MARK2: variants seen among roughly 807,000 people sequenced by gnomAD.
MARK2 encodes microtubule affinity regulating kinase 2.
Under a neutral mutation model 89.8 loss-of-function variants are expected in MARK2, and 16 were observed. That is an observed-to-expected ratio of 0.18 (90% CI 0.12 to 0.27). The LOEUF is 0.27. Ranked by LOEUF, MARK2 falls within the 10% of genes least tolerant of loss-of-function variation. MARK2 has a pLI of 1.00. For missense variants in MARK2, 621 were observed against 1,049.9 expected, an observed-to-expected ratio of 0.59 and a Z score of 5.65; for synonymous variants, 382 against 399.5, an observed-to-expected ratio of 0.96 and a Z score of 0.52.
chr11:63,881,468 A>C (rs568203248), intron 1 of MARK2, among the ~76,000 whole-genome samples: 4 of 152,102 alleles, frequency 2.6e-5, no homozygotes, highest in Non-Finnish European at 5.9e-5. Context: ...CTTGGGGTCG[A>C]GAGTGGGGTC....
chr11:63,878,400 T>C (rs1938899920), intron 1 of MARK2, among the ~76,000 whole-genome samples: 1 of 135,272 alleles, frequency 7.4e-6, no homozygotes, highest in African/African-American at 2.8e-5. Flanking sequence ...AGAGTCTCTC[T>C]CGCTCTGTCG....
At chr11:63,898,915 A>G in intron 6 of MARK2, 82 bp downstream of exon 6, 1 of 1,366,234 alleles carries the variant, frequency 7.3e-7, no homozygotes, top group Non-Finnish European at 1.0e-6. Context: ...GCCTGTCTGT[A>G]AGTGGCCCTT....
Position 63,839,387 on chromosome 11 carries a change from G to C in MARK2, c.-120G>C. ...GGCTGCCCGGCCTCCCCGCACCCCC[G>C]GCCGGGGCCCATGCGGCGGGTGCTC... On this transcript the variant is annotated 5_prime_UTR_variant, in exon 1 of 19. Coordinates refer to ENST00000402010, the MANE Select transcript of MARK2 (RefSeq NM_001039469.3). The C allele has an allele frequency of 1.6e-6, 1 of 608,268 alleles. No homozygotes were observed. Among genetic ancestry groups the C allele is most frequent in the Non-Finnish European group, 2.9e-6 (1 of 350,836 alleles). 37.7% of individuals were successfully genotyped at this position (608,268 alleles called of 1,614,324 possible).
At chr11:63,846,015 G>T (rs186607742) in intron 1 of MARK2, among the ~76,000 whole-genome samples, 1 of 151,728 alleles carries the variant, frequency 6.6e-6, no homozygotes, top group African/African-American at 2.4e-5. Context: ...GAGCCACCGC[G>T]CCCGGCATCA....
At chr11:63,868,225 C>A (rs1323960511) in intron 1 of MARK2, among the ~76,000 whole-genome samples, 1 of 151,830 alleles carries the variant, frequency 6.6e-6, no homozygotes, top group African/African-American at 2.4e-5. Context: ...AACCCTGTCT[C>A]TATAAAAAAT....
chr11:63,898,492 T>C, intron 4 of MARK2, 116 bp from the exon 5 acceptor site: 2 of 921,972 alleles, frequency 2.2e-6, no homozygotes, highest in Admixed American at 1.9e-5. Flanking sequence ...TTCTTGGGAG[T>C]GGGGGATCAT....
Position 63,908,957 on chromosome 11 carries a change from C to T in MARK2, c.2087C>T (p.Thr696Met). Reference sequence around the variant, plus strand: ...GCCAAGCCCCGCTCCCTCCGCTTCACGTGGAGTATGAAGACCACGAGCTCC... The same window carrying T: ...GCCAAGCCCCGCTCCCTCCGCTTCATGTGGAGTATGAAGACCACGAGCTCC... ...REAKPRSLRF[T>M]WSMKTTSSME... The change falls in exon 19 of 19, where the codon ACG becomes ATG. Residue 696 changes from threonine (T) to methionine (M), a missense_variant. Thr to Met is a moderately conservative substitution (Grantham distance 81, BLOSUM62 -1). This residue lies in a region of MARK2 where 397 missense variants were observed against 567.8 expected (regional missense o/e 0.70). Transcript: ENST00000402010. 6.5e-7 allele frequency: 1 copy of T among 1,543,262 alleles called. No individual in the cohort carries two copies. The highest frequency in any genetic ancestry group is 8.8e-7 in the Non-Finnish European group (1 of 1,137,136).
intron 1 of MARK2, among the ~76,000 whole-genome samples, chr11:63,867,325 G>A (rs923350809): frequency 6.6e-6 from 1 of 152,218 alleles, no homozygotes; most frequent in Non-Finnish European, 1.5e-5. Flanking sequence ...ACCACAGTTG[G>A]CCAAGGTATA....
At chr11:63,905,093 C>G in intron 16 of MARK2, 50 bp downstream of exon 16, 1 of 494,286 alleles carries the variant, frequency 2.0e-6, no homozygotes, top group Non-Finnish European at 4.0e-6. Flanking sequence ...GGCCTTCCTG[C>G]TTTACTCGGG....
At chr11:63,848,372 A>G (rs943968734) in intron 1 of MARK2, among the ~76,000 whole-genome samples, 1 of 151,316 alleles carries the variant, frequency 6.6e-6, no homozygotes, top group Non-Finnish European at 1.5e-5. Context: ...TTTTTTCTCC[A>G]CCTTCTTTTT....
chr11:63,865,648 C>G (rs1483591309), intron 1 of MARK2, among the ~76,000 whole-genome samples: 1 of 152,178 alleles, frequency 6.6e-6, no homozygotes, highest in Non-Finnish European at 1.5e-5. Flanking sequence ...CCCTTCTGTA[C>G]TTGTATTCCC....
chr11:63,885,565 T>A (rs1939342635), intron 1 of MARK2, among the ~76,000 whole-genome samples: 1 of 150,580 alleles, frequency 6.6e-6, no homozygotes, highest in Non-Finnish European at 1.5e-5. Context: ...CTGGGCGTAG[T>A]GGCCCATGTC....
Position 63,908,889 on chromosome 11 carries a change from G to A in MARK2, c.2019G>A (p.Val673=). ...GCCCTCTCCACAGACCTCACGTGGTGGGCAGTGGCGGCAACGACAAAGAAA... is the reference window on the plus strand; with the variant it reads ...GCCCTCTCCACAGACCTCACGTGGTAGGCAGTGGCGGCAACGACAAAGAAA... ...DRVETLRPHV[V]GSGGNDKEKE... is the part of the protein sequence containing the mutation. The change falls in exon 19 of 19, where the codon GTG becomes GTA. Residue 673 remains valine, a synonymous_variant. Coordinates refer to ENST00000402010, the MANE Select transcript of MARK2 (RefSeq NM_001039469.3). The A allele has an allele frequency of 6.6e-7, 1 of 1,508,162 alleles. No homozygotes were observed. Among genetic ancestry groups the A allele is most frequent in the Non-Finnish European group, 8.9e-7 (1 of 1,122,786 alleles). The allele number at this position is 1,508,162 out of a possible 1,614,324, so 93.4% of individuals were successfully genotyped here. A position where few individuals can be genotyped will look rare whatever the true frequency, so the allele number is the denominator to read the frequency against.
At chr11:63,868,432 A>C (rs1200073428) in intron 1 of MARK2, 1 of 201,838 alleles carries the variant, frequency 5.0e-6, no homozygotes, top group Admixed American at 5.3e-5. Flanking sequence ...ATATCAGTCT[A>C]TCTGATTCTT....
At position 63,892,306 on chromosome 11, in the gene MARK2, C is replaced by G. The variant is rs10897459; in HGVS notation, c.55-2853C>G. ...TCACCAAAAGACAGCCTGCAGCTAC[C>G]ATGCAAAGGCCCTACGTGGGCACAG... On this transcript the variant is annotated intron_variant, in intron 1 of 18. Coordinates refer to ENST00000402010, the MANE Select transcript of MARK2 (RefSeq NM_001039469.3). 3.3e-5 allele frequency among the ~76,000 whole-genome samples: 5 copies of G among 152,158 alleles called. No homozygotes were observed. In the South Asian group the frequency reaches 1.0e-3, roughly 32 times the overall value.
intron 1 of MARK2, among the ~76,000 whole-genome samples, chr11:63,868,010 G>C (rs7123788): frequency 6.6e-6 from 1 of 152,108 alleles, no homozygotes; most frequent in Non-Finnish European, 1.5e-5. Context: ...ATCCTTCTCT[G>C]TATCACTTCG....
intron 11 of MARK2, among the ~76,000 whole-genome samples, chr11:63,901,790 G>C (rs1294602650): frequency 2.0e-5 from 3 of 151,490 alleles, no homozygotes; most frequent in Non-Finnish European, 4.4e-5. Context: ...TTTGGGTTTT[G>C]TTCATCATCT....
intron 1 of MARK2, among the ~76,000 whole-genome samples, chr11:63,860,121 T>G (rs1937661622): frequency 6.6e-6 from 1 of 152,238 alleles, no homozygotes; most frequent in African/African-American, 2.4e-5. Context: ...CCTGTAATTC[T>G]CAACTTTGTT....
At chr11:63,868,019 C>T (rs996399571) in intron 1 of MARK2, among the ~76,000 whole-genome samples, 6 of 152,184 alleles carry the variant, frequency 3.9e-5, no homozygotes, top group African/African-American at 7.2e-5. Flanking sequence ...TGTATCACTT[C>T]GGACACCCAG....
Sources: allele counts gnomAD v4.1 joint callset (sites outside exome capture counted in the v4.1 genomes callset), GRCh38; gene constraint gnomAD v4.1.1; regional missense constraint gnomAD v4.1.1; transcripts MANE v1.5; gene names NCBI Gene and HGNC (gene_info 2026-07-23, HGNC 2026-07-21).